HS2ST1: variants seen among roughly 807,000 people sequenced by gnomAD.
HS2ST1 encodes the protein heparan sulfate 2-O-sulfotransferase 1, also known as 2-O-sulfotransferase.
In HS2ST1, 18 loss-of-function variants were observed where a neutral mutation model predicts 42.9. The ratio of observed to expected loss-of-function variants is 0.42; its 90% CI spans 0.29 to 0.62. HS2ST1 has a LOEUF of 0.62. HS2ST1 is among the 20% of genes least tolerant of loss of function. The pLI, the probability that HS2ST1 is intolerant of heterozygous loss-of-function variation, is 0.21. For missense variants in HS2ST1, 334 were observed against 433.8 expected (o/e 0.77, Z 2.04); for synonymous variants, 146 against 152.9 (o/e 0.95, Z 0.33).
chr1:87,084,168 A>G (rs1204988212), intron 2 of HS2ST1, 26 bp from the exon 3 acceptor site: 18 of 1,376,836 alleles, frequency 1.3e-5, no homozygotes, highest in Non-Finnish European at 1.7e-5. Context: ...TAAATTGTAT[A>G]TAATGAATGT....
chr1:87,076,449 G>A (rs891843081), intron 2 of HS2ST1, among the ~76,000 whole-genome samples: 5 of 152,148 alleles, frequency 3.3e-5, no homozygotes, highest in African/African-American at 1.2e-4. Context: ...GTGAATCTAG[G>A]TGAAGAGTAT....
intron 1 of HS2ST1, among the ~76,000 whole-genome samples, chr1:87,034,457 T>C (rs1487326325): frequency 1.3e-5 from 2 of 152,196 alleles, no homozygotes; most frequent in Admixed American, 1.3e-4. Flanking sequence ...GTTCAAGCTA[T>C]AGTAATTCTT....
rs113403202 is a variant in HS2ST1, at chr1:86,931,423, A to G, written c.124+16263A>G. On this transcript the variant is annotated intron_variant, in intron 1 of 6. Coordinates refer to ENST00000370550, the MANE Select transcript of HS2ST1 (RefSeq NM_012262.4). ...GTGGGTAGTGAGGTATTAAAGTACC[A>G]AAAAGATCTCTATATGTAACCCTTA... Among the ~76,000 whole-genome samples the G allele has an allele frequency of 2.6e-3, 397 of 152,202 alleles. 3 individuals are homozygous for G. Among genetic ancestry groups the G allele is most frequent in the African/African-American group, 9.1e-3 (378 of 41,556 alleles).
At chr1:87,082,396 T>TG (rs1001932035) in intron 2 of HS2ST1, among the ~76,000 whole-genome samples, 1 of 152,236 alleles carries the variant, frequency 6.6e-6, no homozygotes, top group Non-Finnish European at 1.5e-5. Flanking sequence ...TCTTCCCTGC[T>TG]GTTTAGTTTA....
At chr1:86,974,393 A>G (rs755945554) in intron 1 of HS2ST1, among the ~76,000 whole-genome samples, 11 of 152,178 alleles carry the variant, frequency 7.2e-5, no homozygotes, top group Non-Finnish European at 1.2e-4. Flanking sequence ...CACCTCCTCT[A>G]CCTTGCCTTA....
intron 1 of HS2ST1, among the ~76,000 whole-genome samples, chr1:86,920,608 CCTT>C (rs1660272207): frequency 6.6e-6 from 1 of 152,064 alleles, no homozygotes; most frequent in Admixed American, 6.6e-5. Flanking sequence ...CTCTGGTAGG[CCTT>C]CTAATAGCTT....
At chr1:86,960,414 T>C (rs1252815080) in intron 1 of HS2ST1, among the ~76,000 whole-genome samples, 1 of 152,148 alleles carries the variant, frequency 6.6e-6, no homozygotes, top group African/African-American at 2.4e-5. Context: ...GCATACTCCA[T>C]GAAAGAAAGA....
intron 1 of HS2ST1, among the ~76,000 whole-genome samples, chr1:87,036,918 G>A (rs1249898382): frequency 1.3e-5 from 2 of 152,102 alleles, no homozygotes; most frequent in Non-Finnish European, 2.9e-5. Context: ...AGGTTTTGAT[G>A]CTTAAAAGGA....
intron 1 of HS2ST1, among the ~76,000 whole-genome samples, chr1:87,043,530 G>C (rs1367151568): frequency 6.6e-6 from 1 of 152,058 alleles, no homozygotes; most frequent in South Asian, 2.1e-4. Flanking sequence ...AGAATCAACT[G>C]CTGGAGGTAT....
At chr1:86,985,592 A>G (rs12028006) in intron 1 of HS2ST1, among the ~76,000 whole-genome samples, 106,814 of 145,436 alleles carry the variant, frequency 0.73, 40,633 homozygotes, top group East Asian at 0.97. Context: ...CCCAATTTCA[A>G]TCTTGGTATA....
At chr1:87,102,824 A>ACTTAAAT (rs1652248801) in intron 5 of HS2ST1, among the ~76,000 whole-genome samples, 1 of 152,194 alleles carries the variant, frequency 6.6e-6, no homozygotes, top group Admixed American at 6.5e-5. Context: ...TCATACTGCT[A>ACTTAAAT]CTTAAATGCA....
intron 1 of HS2ST1, chr1:86,956,486 A>G (rs1647681476): frequency 6.6e-6 from 1 of 152,242 alleles, no homozygotes; most frequent in South Asian, 2.1e-4. Flanking sequence ...CTTGGTCACT[A>G]TGGCTGTAGA....
At chr1:87,050,784 T>C (rs1252481452) in intron 1 of HS2ST1, among the ~76,000 whole-genome samples, 1 of 152,138 alleles carries the variant, frequency 6.6e-6, no homozygotes. Context: ...GCCCTACTTA[T>C]CTGACCACTT....
intron 1 of HS2ST1, among the ~76,000 whole-genome samples, chr1:86,919,729 G>C (rs1359673368): frequency 6.6e-6 from 1 of 152,132 alleles, no homozygotes; most frequent in South Asian, 2.1e-4. Context: ...AAGGATCACA[G>C]ATTTATAGTA....
intron 1 of HS2ST1, chr1:87,045,188 C>T: frequency 1.1e-6 from 1 of 914,864 alleles, no homozygotes; most frequent in Non-Finnish European, 1.8e-6. Flanking sequence ...CTTGTTTTGG[C>T]CCCACTTTTT....
intron 1 of HS2ST1, chr1:86,992,979 G>T: frequency 8.0e-7 from 1 of 1,252,984 alleles, no homozygotes; most frequent in Non-Finnish European, 1.1e-6. Context: ...ATTCTTCTTG[G>T]CGTCTGTGTC....
chr1:87,073,815 T>A (rs1162957610), intron 2 of HS2ST1, among the ~76,000 whole-genome samples: 2 of 152,208 alleles, frequency 1.3e-5, no homozygotes, highest in African/African-American at 2.4e-5. Context: ...GAATTTTGAC[T>A]GCAATTATAA....
At chr1:86,939,207 C>A (rs1660716313) in intron 1 of HS2ST1, among the ~76,000 whole-genome samples, 2 of 151,904 alleles carry the variant, frequency 1.3e-5, no homozygotes, top group South Asian at 2.1e-4. Flanking sequence ...AAATATAAGT[C>A]CTGAAGAAAA....
At chr1:87,016,583 G>A (rs934927260) in intron 1 of HS2ST1, among the ~76,000 whole-genome samples, 10 of 151,882 alleles carry the variant, frequency 6.6e-5, no homozygotes, top group African/African-American at 2.2e-4. Context: ...AAAATAATTT[G>A]GGTTATATGT....
Sources: gnomAD v4.1 joint callset for allele counts (sites outside exome capture counted in the v4.1 genomes callset) on GRCh38, gnomAD v4.1.1 for gene constraint, MANE v1.5 for transcripts, NCBI Gene and HGNC (gene_info 2026-07-23, HGNC 2026-07-21) for gene names.